Variants in ANO4 observed in about 807,000 individuals in gnomAD.
The protein encoded by ANO4 is anoctamin 4, also known as anoctamin-4.
A neutral mutation model predicts 141.9 loss-of-function variants in ANO4; 69 were observed. That is an observed-to-expected ratio of 0.49 (90% CI 0.40 to 0.59). The LOEUF is 0.59. ANO4 is among the 20% of genes least tolerant of loss of function. The pLI, the probability that ANO4 is intolerant of heterozygous loss-of-function variation, is 0.00. For missense variants in ANO4, 894 were observed against 1,162.2 expected (o/e 0.77, Z 3.36); for synonymous variants, 350 against 394.3 (o/e 0.89, Z 1.33).
intron 10 of ANO4, among the ~76,000 whole-genome samples, chr12:101,039,616 T>C (rs1173001746): frequency 6.6e-6 from 1 of 152,188 alleles, no homozygotes; most frequent in Non-Finnish European, 1.5e-5. Flanking sequence ...AGAAACCAAA[T>C]GGGACAAATA....
At position 101,060,972 on chromosome 12, in the gene ANO4, C is replaced by T. The variant is rs147676744; in HGVS notation, c.1312+12571C>T. ...GTTAGTTGAGGTAGTTTCTTCATAG[C>T]GTCAATAGTCTTGACAATTTGGTAT... is the stretch of plus-strand genomic sequence containing the variant. On this transcript the variant is annotated intron_variant, in intron 14 of 27. Coordinates refer to ENST00000392977, the MANE Select transcript of ANO4 (RefSeq NM_001286615.2). Among the ~76,000 whole-genome samples, 14 of 152,190 alleles carry T rather than the reference C, an allele frequency of 9.2e-5. No individual in the cohort carries two copies. The East Asian group carries it at 1.2e-3, about 13-fold the overall frequency.
chr12:101,060,009 G>A (rs1483586706), intron 14 of ANO4, among the ~76,000 whole-genome samples: 1 of 152,146 alleles, frequency 6.6e-6, no homozygotes, highest in Non-Finnish European at 1.5e-5. Flanking sequence ...TTTCTCCTGT[G>A]GGCATTTAGT....
At chr12:100,759,351 A>G (rs1360568318) in intron 3 of ANO4, among the ~76,000 whole-genome samples, 3 of 152,218 alleles carry the variant, frequency 2.0e-5, no homozygotes, top group Admixed American at 6.5e-5. Flanking sequence ...ACAGACTGAA[A>G]AATTGGAGCT....
chr12:100,819,053 A>AT (rs1305769249), intron 1 of ANO4, among the ~76,000 whole-genome samples: 1 of 149,374 alleles, frequency 6.7e-6, no homozygotes, highest in African/African-American at 2.5e-5. Context: ...ATATGTGTAT[A>AT]TATATATGTA....
At chr12:100,819,894 G>C (rs1206397790) in intron 1 of ANO4, among the ~76,000 whole-genome samples, 1 of 151,792 alleles carries the variant, frequency 6.6e-6, no homozygotes, top group African/African-American at 2.4e-5. Context: ...ATGCACACTT[G>C]AATCACCATG....
chr12:101,068,222 C>G, intron 14 of ANO4: 1 of 1,356,974 alleles, frequency 7.4e-7, no homozygotes. Context: ...AAGAGTAGAA[C>G]GAGGCACCAG....
chr12:100,931,869 T>G (rs1344463120), intron 3 of ANO4, among the ~76,000 whole-genome samples: 2 of 152,278 alleles, frequency 1.3e-5, no homozygotes, highest in African/African-American at 2.4e-5. Flanking sequence ...ACCTTAGCTC[T>G]TCACCTTAAA....
chr12:101,054,265 G>T (rs1249961234), intron 14 of ANO4, among the ~76,000 whole-genome samples: 1 of 152,090 alleles, frequency 6.6e-6, no homozygotes, highest in African/African-American at 2.4e-5. Context: ...AGGGTATAAA[G>T]TATACAAGTA....
At chr12:100,721,978 G>A (rs975511926) in intron 1 of ANO4, among the ~76,000 whole-genome samples, 4 of 151,408 alleles carry the variant, frequency 2.6e-5, no homozygotes, top group East Asian at 3.9e-4. Context: ...GAGCCACCAC[G>A]CCTGGCCTGA....
intron 3 of ANO4, among the ~76,000 whole-genome samples, chr12:100,771,726 T>TTAG (rs901608449): frequency 9.8e-5 from 15 of 152,342 alleles, no homozygotes; most frequent in African/African-American, 3.1e-4. Flanking sequence ...GGAGGTCTTG[T>TTAG]TAGAAGGACC....
chr12:100,922,076 T>A (rs1484054129), intron 2 of ANO4, 150 bp from the exon 3 acceptor site: 4 of 480,842 alleles, frequency 8.3e-6, no homozygotes, highest in Admixed American at 4.0e-5. Context: ...CCTTTTTTTT[T>A]TTTTCTTAAG....
chr12:100,877,426 C>T (rs982052948), intron 1 of ANO4, among the ~76,000 whole-genome samples: 3 of 150,232 alleles, frequency 2.0e-5, no homozygotes, highest in African/African-American at 7.3e-5. Flanking sequence ...CCAAATATAC[C>T]TTAATTTTTA....
intron 1 of ANO4, among the ~76,000 whole-genome samples, chr12:100,837,924 C>T (rs1213296721): frequency 6.6e-6 from 1 of 152,022 alleles, no homozygotes; most frequent in East Asian, 1.9e-4. Context: ...TCTCAGAAAG[C>T]CCCCTTTCTT....
At chr12:101,086,894 T>C in intron 17 of ANO4, 70 bp downstream of exon 17, 1 of 1,547,156 alleles carries the variant, frequency 6.5e-7, no homozygotes, top group Middle Eastern at 2.1e-4. Context: ...TTTCTTCTGT[T>C]GCTAAGGGGA....
intron 5 of ANO4, 74 bp from the exon 6 acceptor site, chr12:100,971,232 C>T (rs903344037): frequency 1.8e-6 from 2 of 1,085,126 alleles, no homozygotes; most frequent in Non-Finnish European, 2.8e-6. Context: ...TCCATGCATT[C>T]TAAGTTCCAA....
chr12:100,813,263 G>C (rs1052737239), intron 1 of ANO4, among the ~76,000 whole-genome samples: 5 of 152,158 alleles, frequency 3.3e-5, no homozygotes, highest in African/African-American at 9.6e-5. Context: ...ATTATGCATA[G>C]AAAATTGTTT....
chr12:101,095,972 C>G (rs1606865), intron 18 of ANO4, among the ~76,000 whole-genome samples: 77,882 of 152,070 alleles, frequency 0.51, 22,576 homozygotes, highest in African/African-American at 0.81. Context: ...TGAATTAAAA[C>G]CTCTAAAGAT....
chr12:100,855,844 G>A (rs2038136954), intron 1 of ANO4, among the ~76,000 whole-genome samples: 1 of 152,068 alleles, frequency 6.6e-6, no homozygotes, highest in Non-Finnish European at 1.5e-5. Context: ...TGACAAATAG[G>A]ACCTGCTTCA....
chr12:100,727,212 A>C (rs920196290), intron 1 of ANO4, among the ~76,000 whole-genome samples: 1 of 152,306 alleles, frequency 6.6e-6, no homozygotes, highest in East Asian at 1.9e-4. Context: ...TCAAATTTTC[A>C]GTGTTTTTAC....
Sources: gnomAD v4.1 joint callset for allele counts (sites outside exome capture counted in the v4.1 genomes callset) on GRCh38, gnomAD v4.1.1 for gene constraint, MANE v1.5 for transcripts, NCBI Gene and HGNC (gene_info 2026-07-23, HGNC 2026-07-21) for gene names.